The following ZNF79 variants were observed in gnomAD, a reference collection of about 807,000 sequenced individuals.
ZNF79 encodes ZNFpT7.
In ZNF79, 13 loss-of-function variants were observed where a neutral mutation model predicts 14.9. That is an observed-to-expected ratio of 0.87 (90% CI 0.57 to 1.38). The LOEUF is 1.38. ZNF79 is among the 40% of genes most tolerant of loss of function. The probability of loss-of-function intolerance (pLI) is 0.00; values close to 1 mark genes in which losing one functional copy is unlikely to be tolerated. For synonymous variants in ZNF79, 223 were observed against 235.1 expected, an observed-to-expected ratio of 0.95 and a Z score of 0.47; for missense variants, 631 against 630.6, an observed-to-expected ratio of 1.00 and a Z score of -0.01.
chr9:127,436,262 C>T (rs1588073637), intron 4 of ZNF79, among the ~76,000 whole-genome samples: 1 of 152,200 alleles, frequency 6.6e-6, no homozygotes, highest in East Asian at 1.9e-4. Context: ...TGGAGGCTGC[C>T]AGGGCCAGGA....
At chr9:127,438,819 C>T (rs894155866) in intron 4 of ZNF79, among the ~76,000 whole-genome samples, 1 of 152,078 alleles carries the variant, frequency 6.6e-6, no homozygotes, top group African/African-American at 2.4e-5. Context: ...TAACAAAAGA[C>T]TGTAGCAATG....
At chr9:127,443,947 G>A (rs543947655) in intron 4 of ZNF79, 82 bp from the exon 5 acceptor site, 1 of 1,127,772 alleles carries the variant, frequency 8.9e-7, no homozygotes, top group Non-Finnish European at 1.2e-6. Flanking sequence ...AAACCTGTGT[G>A]TGTAAGAGCT....
rs1474180496 is a variant in ZNF79 at position 127,445,066 on chromosome 9, C to G, written c.1366C>G (p.Gln456Glu). 6.2e-7 allele frequency: 1 copy of G among 1,613,920 alleles called. No homozygotes were observed. The highest frequency in any genetic ancestry group is 8.5e-7 in the Non-Finnish European group (1 of 1,179,986). Residue 456 changes from glutamine to glutamate, a missense_variant, in exon 5 of 5, where the codon CAG (glutamine) becomes GAG (glutamate). Physicochemically the swap from Gln to Glu is conservative, Grantham distance 29 (BLOSUM62 2). Transcript: ENST00000342483. Reference protein sequence around the residue: ...ECNECGKAFNQSSSLSQHQRI... With the variant: ...ECNECGKAFNESSSLSQHQRI... ...TAATGAGTGTGGTAAAGCGTTTAAC[C>G]AGAGCTCATCCCTTAGTCAGCATCA...
intron 2 of ZNF79, among the ~76,000 whole-genome samples, chr9:127,431,701 T>G (rs932031571): frequency 1.3e-5 from 2 of 152,234 alleles, no homozygotes; most frequent in African/African-American, 4.8e-5. Context: ...TCCTATGGTT[T>G]TTATAGTTTA....
intron 4 of ZNF79, among the ~76,000 whole-genome samples, chr9:127,438,059 CT>C (rs1371707432): frequency 1.3e-5 from 2 of 152,062 alleles, no homozygotes; most frequent in African/African-American, 4.8e-5. Flanking sequence ...GTGGGTGCCC[CT>C]GAGCGGAAAA....
In ZNF79 at chr9:127,444,632, G is replaced by A. The variant is rs1255354609; in HGVS notation, c.932G>A (p.Gly311Glu). The change falls in exon 5 of 5, where the codon GGG (glycine) becomes GAG (glutamate). Residue 311 changes from glycine to glutamate, a missense_variant. Coordinates refer to ENST00000342483, the MANE Select transcript of ZNF79 (RefSeq NM_007135.3). Reference protein sequence around the residue: ...GEKPYECSDCGKAFRHSANLT... With the variant: ...GEKPYECSDCEKAFRHSANLT... Reference sequence around the variant, plus strand: ...AAGCCCTACGAATGCAGCGACTGTGGGAAGGCCTTCCGTCACAGTGCAAAC... The same window carrying A: ...AAGCCCTACGAATGCAGCGACTGTGAGAAGGCCTTCCGTCACAGTGCAAAC... 2.5e-6 allele frequency: 4 copies of A among 1,613,936 alleles called. No homozygotes were observed. The highest frequency in any genetic ancestry group is 1.3e-5 in the African/African-American group (1 of 74,878).
chr9:127,436,920 G>A (rs1019314198), intron 4 of ZNF79, among the ~76,000 whole-genome samples: 3 of 152,126 alleles, frequency 2.0e-5, no homozygotes, highest in African/African-American at 7.2e-5. Context: ...TCAGCTGGGC[G>A]TGGTGGCGGG....
chr9:127,438,300 A>AC (rs991345670), intron 4 of ZNF79, among the ~76,000 whole-genome samples: 9 of 151,742 alleles, frequency 5.9e-5, no homozygotes, highest in Admixed American at 5.3e-4. Flanking sequence ...GGTTCCCACG[A>AC]CCCCCCTTTG....
At position 127,444,742 on chromosome 9, in the gene ZNF79, T is replaced by A. The variant is rs754073409; in HGVS notation, c.1042T>A (p.Phe348Ile). 3.8e-6 allele frequency: 6 copies of A among 1,564,788 alleles called. No individual in the cohort carries two copies. The highest frequency in any genetic ancestry group is 3.4e-4 in the Middle Eastern group (2 of 5,842). ...GAAGGCCTTCAGTTACTGCGCAGCGTTCATTCAGCACCAGAGGATTCACAC... is the reference window on the plus strand; with the variant it reads ...GAAGGCCTTCAGTTACTGCGCAGCGATCATTCAGCACCAGAGGATTCACAC... ...CGKAFSYCAA[F>I]IQHQRIHTGE... The change falls in exon 5 of 5, where the codon TTC becomes ATC. Residue 348 changes from phenylalanine (F) to isoleucine (I), a missense_variant. Coordinates refer to ENST00000342483, the MANE Select transcript of ZNF79 (RefSeq NM_007135.3).
At chr9:127,434,967 C>G in intron 2 of ZNF79, 123 bp from the exon 3 acceptor site, 4 of 1,231,270 alleles carry the variant, frequency 3.2e-6, no homozygotes, top group Non-Finnish European at 4.4e-6. Context: ...TTTTCTTCAA[C>G]TACCCAGAGA....
chr9:127,441,961 T>A (rs1277302269), intron 4 of ZNF79, among the ~76,000 whole-genome samples: 13 of 123,554 alleles, frequency 1.1e-4, no homozygotes, highest in South Asian at 1.0e-3. Flanking sequence ...AAAAAAAAAA[T>A]ACAAAATTAG....
At chr9:127,438,301 C>G (rs575356093) in intron 4 of ZNF79, among the ~76,000 whole-genome samples, 12 of 152,136 alleles carry the variant, frequency 7.9e-5, no homozygotes, top group Admixed American at 7.2e-4. Context: ...GTTCCCACGA[C>G]CCCCCTTTGG....
intron 2 of ZNF79, among the ~76,000 whole-genome samples, chr9:127,430,247 A>AT (rs202205572): frequency 2.0e-5 from 3 of 150,972 alleles, no homozygotes; most frequent in Non-Finnish European, 4.4e-5. Context: ...TTTCTAACAC[A>AT]TTTTTTTTTC....
intron 4 of ZNF79, among the ~76,000 whole-genome samples, chr9:127,439,945 C>G (rs1337494246): frequency 1.3e-5 from 2 of 152,200 alleles, no homozygotes; most frequent in Non-Finnish European, 1.5e-5. Context: ...TCACTGCAAG[C>G]TCCACCTCCC....
intron 1 of ZNF79, 139 bp from the exon 2 acceptor site, chr9:127,428,693 A>C: frequency 8.0e-7 from 1 of 1,249,842 alleles, no homozygotes; most frequent in Non-Finnish European, 1.0e-6. Flanking sequence ...GTAGGAGGGA[A>C]TGGAGAAATT....
intron 1 of ZNF79, 197 bp downstream of exon 1, chr9:127,425,000 G>A: frequency 3.5e-6 from 5 of 1,418,436 alleles, no homozygotes; most frequent in Non-Finnish European, 4.6e-6. Flanking sequence ...CCTTTTTTGA[G>A]TAAAGAATTC....
At position 127,428,914 on chromosome 9, in the gene ZNF79, G is replaced by C. The variant is rs1414722260; in HGVS notation, c.99G>C (p.Gly33=). 6.3e-7 allele frequency: 1 copy of C among 1,577,892 alleles called. No individual in the cohort carries two copies. Among genetic ancestry groups the C allele is most frequent in the East Asian group, 2.3e-5 (1 of 42,846 alleles). ...TGGCTGCTGGTCTCCTCACAGCTGG[G>C]CCCCGGGTAAGTTGGAAATTAACTT... ...EGMAAGLLTA[G]PRGSTFFSSV... Residue 33 remains glycine (G), a synonymous_variant, in exon 2 of 5, where the codon GGG becomes GGC. Coordinates refer to ENST00000342483, the MANE Select transcript of ZNF79 (RefSeq NM_007135.3).
chr9:127,440,477 G>A (rs935142370), intron 4 of ZNF79, among the ~76,000 whole-genome samples: 1 of 152,198 alleles, frequency 6.6e-6, no homozygotes, highest in African/African-American at 2.4e-5. Context: ...GAAGAGTGGT[G>A]TGCAGGGGAC....
chr9:127,425,998 G>A (rs1008962942), intron 1 of ZNF79, among the ~76,000 whole-genome samples: 1 of 152,180 alleles, frequency 6.6e-6, no homozygotes, highest in African/African-American at 2.4e-5. Flanking sequence ...AGAGCAGATG[G>A]GTCGTCATCT....
Sources: allele counts gnomAD v4.1 joint callset (sites outside exome capture counted in the v4.1 genomes callset), GRCh38; gene constraint gnomAD v4.1.1; transcripts MANE v1.5; gene names NCBI Gene and HGNC (gene_info 2026-07-23, HGNC 2026-07-21).